Variants in CLSTN2 observed in about 807,000 individuals in gnomAD.
CLSTN2 encodes the protein calsyntenin-2.
A neutral mutation model predicts 101.2 loss-of-function variants in CLSTN2; 48 were observed. The observed-to-expected ratio is 0.47, with a 90% CI of 0.38 to 0.60. The LOEUF (loss-of-function observed/expected upper bound fraction) is 0.60. CLSTN2 is among the 20% of genes least tolerant of loss of function. The pLI is 0.00. For missense variants in CLSTN2, 1,160 were observed against 1,238.2 expected (o/e 0.94, Z 0.95); for synonymous variants, 481 against 463.6 (o/e 1.04, Z -0.48).
At chr3:140,401,184 C>A (rs1295138020) in intron 2 of CLSTN2, among the ~76,000 whole-genome samples, 1 of 152,206 alleles carries the variant, frequency 6.6e-6, no homozygotes, top group Non-Finnish European at 1.5e-5. Flanking sequence ...GTTTTTGCAA[C>A]CAGAACCCAA....
At chr3:140,123,173 G>T (rs1296719129) in intron 1 of CLSTN2, among the ~76,000 whole-genome samples, 1 of 115,154 alleles carries the variant, frequency 8.7e-6, no homozygotes. Context: ...GGGCGGGGGG[G>T]TGGGGGGCGG....
intron 1 of CLSTN2, among the ~76,000 whole-genome samples, chr3:140,024,534 G>A (rs115817278): frequency 0.042 from 6,361 of 152,238 alleles, 177 homozygotes; most frequent in Non-Finnish European, 0.064. Flanking sequence ...AGGCAGTCTC[G>A]GCCTGGCCTT....
chr3:139,953,243 C>T (rs1380193737), intron 1 of CLSTN2, among the ~76,000 whole-genome samples: 1 of 152,070 alleles, frequency 6.6e-6, no homozygotes, highest in African/African-American at 2.4e-5. Context: ...CTGGTACAAC[C>T]ACCCTCTATG....
intron 1 of CLSTN2, among the ~76,000 whole-genome samples, chr3:140,112,542 G>A (rs1040130294): frequency 1.3e-5 from 2 of 152,106 alleles, no homozygotes; most frequent in Admixed American, 1.3e-4. Context: ...CATTATACAC[G>A]ATGCCATGAT....
intron 1 of CLSTN2, among the ~76,000 whole-genome samples, chr3:140,144,293 C>T (rs952008860): frequency 2.0e-5 from 3 of 152,164 alleles, no homozygotes; most frequent in African/African-American, 7.2e-5. Context: ...AGATTGCAGA[C>T]TTATTCTGAT....
intron 1 of CLSTN2, among the ~76,000 whole-genome samples, chr3:139,998,000 C>T (rs142214705): frequency 2.1e-4 from 32 of 152,284 alleles, no homozygotes; most frequent in African/African-American, 6.7e-4. Flanking sequence ...CAACTTCTCT[C>T]TTCTTCCCAG....
At chr3:140,565,295 G>A (rs1474538744) in intron 16 of CLSTN2, among the ~76,000 whole-genome samples, 1 of 152,172 alleles carries the variant, frequency 6.6e-6, no homozygotes, top group African/African-American at 2.4e-5. Flanking sequence ...AGGATTTGGG[G>A]TAAGGTAGAA....
chr3:140,154,832 G>A (rs1386747145), intron 1 of CLSTN2, among the ~76,000 whole-genome samples: 1 of 151,988 alleles, frequency 6.6e-6, no homozygotes, highest in Non-Finnish European at 1.5e-5. Context: ...TTTTAGTAGA[G>A]ATGGGATTTC....
At chr3:140,548,294 T>C (rs771691932) in intron 10 of CLSTN2, among the ~76,000 whole-genome samples, 19 of 152,218 alleles carry the variant, frequency 1.2e-4, no homozygotes, top group Non-Finnish European at 2.8e-4. Context: ...CCACAATAAT[T>C]ATGAACACTA....
At position 140,328,252 on chromosome 3, in the gene CLSTN2, C is replaced by T. The variant is rs528122296; in HGVS notation, c.233-75377C>T. Among the ~76,000 whole-genome samples the T allele has an allele frequency of 5.3e-5, 8 of 152,142 alleles. No individual in the cohort carries two copies. The South Asian group carries it at 8.3e-4, about 16-fold the overall frequency. On this transcript the variant is annotated intron_variant, in intron 2 of 16. Transcript: ENST00000458420. ...GTGTCTTTTTCTTTTTAATCTTTCC[C>T]GAAGTTCTCAGAGAAGGACCACACA...
At chr3:140,178,363 T>C (rs1484500823) in intron 2 of CLSTN2, among the ~76,000 whole-genome samples, 1 of 152,200 alleles carries the variant, frequency 6.6e-6, no homozygotes, top group Admixed American at 6.5e-5. Flanking sequence ...CAAAAGGATT[T>C]CCTTAAGTCA....
chr3:140,393,564 G>A (rs536867317), intron 2 of CLSTN2, among the ~76,000 whole-genome samples: 1 of 152,328 alleles, frequency 6.6e-6, no homozygotes, highest in South Asian at 2.1e-4. Context: ...TGTTGACAGA[G>A]GTAATCGGAC....
chr3:140,213,145 A>T (rs2010878616), intron 2 of CLSTN2, among the ~76,000 whole-genome samples: 1 of 152,232 alleles, frequency 6.6e-6, no homozygotes, highest in Non-Finnish European at 1.5e-5. Flanking sequence ...AAGGAAGAAA[A>T]GAAACAGCAG....
At chr3:139,969,948 G>A (rs1935666377) in intron 1 of CLSTN2, among the ~76,000 whole-genome samples, 1 of 152,164 alleles carries the variant, frequency 6.6e-6, no homozygotes, top group Non-Finnish European at 1.5e-5. Context: ...TACCTACAGA[G>A]TGACATAAAA....
In CLSTN2 at chr3:140,124,689, A is replaced by T. The variant is rs528702490; in HGVS notation, c.110-51262A>T. 2.6e-5 allele frequency among the ~76,000 whole-genome samples: 4 copies of T among 152,290 alleles called. 1 individual carries two copies. In the South Asian group the frequency reaches 6.2e-4, roughly 24 times the overall value. On this transcript the variant is annotated intron_variant, in intron 1 of 16. Transcript: ENST00000458420. ...AGAGGCCCTGTTCTGAGCTGTTGAG[A>T]TGTCCATGAGACAGCCAGGTGGAGA... is the stretch of plus-strand genomic sequence containing the variant.
chr3:140,344,897 C>A (rs187632769), intron 2 of CLSTN2, among the ~76,000 whole-genome samples: 34 of 152,120 alleles, frequency 2.2e-4, no homozygotes, highest in Non-Finnish European at 3.8e-4. Context: ...GAGGGGATTG[C>A]GACTTCTCTA....
At chr3:140,183,378 G>A (rs1317506501) in intron 2 of CLSTN2, among the ~76,000 whole-genome samples, 1 of 152,102 alleles carries the variant, frequency 6.6e-6, no homozygotes, top group African/African-American at 2.4e-5. Flanking sequence ...AGAGTGAGTT[G>A]GTCACTCTAA....
intron 2 of CLSTN2, among the ~76,000 whole-genome samples, chr3:140,361,988 G>A (rs1393674522): frequency 1.3e-5 from 2 of 152,112 alleles, no homozygotes; most frequent in Non-Finnish European, 2.9e-5. Flanking sequence ...TTTTGGAAAT[G>A]CAAAGGATCC....
At chr3:140,446,159 AC>A (rs1419338679) in intron 5 of CLSTN2, among the ~76,000 whole-genome samples, 1 of 152,146 alleles carries the variant, frequency 6.6e-6, no homozygotes, top group Non-Finnish European at 1.5e-5. Flanking sequence ...ACAAAAAGCC[AC>A]CTTTTGCTCC....
Sources: allele counts gnomAD v4.1 joint callset (sites outside exome capture counted in the v4.1 genomes callset), GRCh38; gene constraint gnomAD v4.1.1; transcripts MANE v1.5; gene names NCBI Gene and HGNC (gene_info 2026-07-23, HGNC 2026-07-21).